The following SUPT3H variants were observed in gnomAD, a reference collection of about 807,000 sequenced individuals.
SUPT3H encodes the protein SPT3 homolog, SAGA and STAGA complex component.
SUPT3H carries 44 observed loss-of-function variants against 44.3 expected under a neutral mutation model. That is an observed-to-expected ratio of 0.99 (90% confidence interval 0.78 to 1.28). The LOEUF is 1.28. Ranked by LOEUF, SUPT3H falls within the 50% of genes most tolerant of loss-of-function variation. The probability of loss-of-function intolerance (pLI) is 0.00; values close to 1 mark genes in which losing one functional copy is unlikely to be tolerated. For synonymous variants in SUPT3H, 124 were observed against 125.6 expected, an observed-to-expected ratio of 0.99 and a Z score of 0.09; for missense variants, 380 against 387.1, an observed-to-expected ratio of 0.98 and a Z score of 0.15.
In SUPT3H at chr6:45,248,934, C is replaced by A. The variant is rs533155231; in HGVS notation, c.101+116267G>T. 2.0e-5 allele frequency among the ~76,000 whole-genome samples: 3 copies of A among 150,764 alleles called. No individual in the cohort carries two copies. In the East Asian group the frequency reaches 5.8e-4, roughly 29 times the overall value. On this transcript the variant is annotated intron_variant, in intron 2 of 10. Transcript: ENST00000371459. ...ATCTCAAAAAAAAAAAAAAAGAACT[C>A]TCATACATTACTGATGGCAATGCGA... is the stretch of plus-strand genomic sequence containing the variant.
In SUPT3H at chr6:44,828,230, T is replaced by C. The variant is rs60219621; in HGVS notation, c.*1586A>G. On this transcript the variant is annotated 3_prime_UTR_variant, in exon 11 of 11. Transcript: ENST00000371459. Reference sequence around the variant, plus strand: ...TTTACTGCAAGCTTGTAATTTTCCATGATTATGGATGCCAAGGAAAATAAG... The same window carrying C: ...TTTACTGCAAGCTTGTAATTTTCCACGATTATGGATGCCAAGGAAAATAAG... 0.021 allele frequency among the ~76,000 whole-genome samples: 3,169 copies of C among 152,170 alleles called. 115 individuals carry two copies. The highest frequency in any genetic ancestry group is 0.072 in the African/African-American group (2,988 of 41,484).
At chr6:44,941,000 G>GT (rs886468591) in intron 9 of SUPT3H, among the ~76,000 whole-genome samples, 1 of 151,952 alleles carries the variant, frequency 6.6e-6, no homozygotes, top group African/African-American at 2.4e-5. Flanking sequence ...ATCATGTTTT[G>GT]TTTTTTCCAT....
rs142402736 is a variant in SUPT3H at position 45,283,995 on chromosome 6, A to G, written c.101+81206T>C. On this transcript the variant is annotated intron_variant, in intron 2 of 10. Transcript: ENST00000371459. ...CTGCTCCTGAATGACTACTGGGTAC[A>G]TAATGAAATATGAAATGAAAACAGA... is the stretch of plus-strand genomic sequence containing the variant. Among the ~76,000 whole-genome samples the G allele has an allele frequency of 7.2e-5, 11 of 152,332 alleles. No homozygotes were observed. The East Asian group carries it at 2.1e-3, about 29-fold the overall frequency.
chr6:44,913,212 A>G (rs1457973560), intron 10 of SUPT3H, among the ~76,000 whole-genome samples: 1 of 152,204 alleles, frequency 6.6e-6, no homozygotes, highest in Non-Finnish European at 1.5e-5. Context: ...GACAGTCTAC[A>G]TTAGGACACA....
intron 2 of SUPT3H, among the ~76,000 whole-genome samples, chr6:45,154,087 A>AAAAAAAAAACAAC (rs70996303): frequency 8.7e-6 from 1 of 114,596 alleles, no homozygotes; most frequent in Non-Finnish European, 1.8e-5. Flanking sequence ...AAAAAAAAAA[A>AAAAAAAAAACAAC]AGCGCTTAGT....
intron 3 of SUPT3H, among the ~76,000 whole-genome samples, chr6:45,105,177 A>T (rs895297960): frequency 7.2e-5 from 11 of 152,106 alleles, no homozygotes; most frequent in African/African-American, 2.2e-4. Flanking sequence ...TTTAAAATAC[A>T]TGATGATGGT....
chr6:45,164,528 C>T (rs945757326), intron 2 of SUPT3H, among the ~76,000 whole-genome samples: 4 of 152,202 alleles, frequency 2.6e-5, no homozygotes, highest in Admixed American at 2.6e-4. Flanking sequence ...ATGAGTGCTT[C>T]GTTAGTCAAC....
intron 10 of SUPT3H, among the ~76,000 whole-genome samples, chr6:44,848,158 C>T (rs1308162958): frequency 4.7e-5 from 7 of 147,552 alleles, no homozygotes; most frequent in African/African-American, 1.0e-4. Flanking sequence ...TTAGTAGAGA[C>T]GGGGTTTCAC....
intron 2 of SUPT3H, among the ~76,000 whole-genome samples, chr6:45,355,299 A>C (rs1467472351): frequency 6.6e-6 from 1 of 152,072 alleles, no homozygotes; most frequent in Non-Finnish European, 1.5e-5. Flanking sequence ...TTAATAATTA[A>C]GGTGTTAATT....
chr6:45,151,759 G>A (rs1296148494), intron 2 of SUPT3H, among the ~76,000 whole-genome samples: 1 of 151,922 alleles, frequency 6.6e-6, no homozygotes, highest in African/African-American at 2.4e-5. Flanking sequence ...TCTTTTCTAG[G>A]CAAGTATTGT....
intron 10 of SUPT3H, among the ~76,000 whole-genome samples, chr6:44,883,331 C>A (rs1206125892): frequency 6.6e-6 from 1 of 152,088 alleles, no homozygotes; most frequent in Non-Finnish European, 1.5e-5. Context: ...ATGTGAAGGA[C>A]CTCCTAAAGG....
At chr6:44,895,301 C>T (rs1404559247) in intron 10 of SUPT3H, among the ~76,000 whole-genome samples, 1 of 146,760 alleles carries the variant, frequency 6.8e-6, no homozygotes, top group African/African-American at 2.5e-5. Flanking sequence ...ACTCTGTTGC[C>T]CAGGCTGGTC....
intron 2 of SUPT3H, among the ~76,000 whole-genome samples, chr6:45,213,482 C>T (rs1764466518): frequency 6.6e-6 from 1 of 151,904 alleles, no homozygotes; most frequent in Admixed American, 6.6e-5. Flanking sequence ...AATTAAATAA[C>T]CTATTATTCT....
intron 2 of SUPT3H, among the ~76,000 whole-genome samples, chr6:45,303,044 G>T (rs1782405278): frequency 6.6e-6 from 1 of 152,132 alleles, no homozygotes; most frequent in Non-Finnish European, 1.5e-5. Flanking sequence ...AACAAATGGT[G>T]TTGGGATAAC....
At chr6:45,336,286 T>A (rs866242585) in intron 2 of SUPT3H, among the ~76,000 whole-genome samples, 2 of 151,560 alleles carry the variant, frequency 1.3e-5, no homozygotes, top group Admixed American at 6.6e-5. Context: ...TTCTTGATTA[T>A]GTAGTAAAGA....
chr6:45,268,733 A>C (rs146265912), intron 2 of SUPT3H, among the ~76,000 whole-genome samples: 25 of 152,328 alleles, frequency 1.6e-4, no homozygotes, highest in African/African-American at 5.8e-4. Context: ...ACTATTCAAC[A>C]AAACTAAATG....
intron 2 of SUPT3H, among the ~76,000 whole-genome samples, chr6:45,257,050 T>A (rs1026662306): frequency 1.3e-5 from 2 of 152,200 alleles, no homozygotes; most frequent in Non-Finnish European, 2.9e-5. Flanking sequence ...TTTACATTCT[T>A]ACTAGCAGTG....
chr6:44,862,621 C>T (rs1005857785), intron 10 of SUPT3H, among the ~76,000 whole-genome samples: 1 of 146,074 alleles, frequency 6.8e-6, no homozygotes, highest in Non-Finnish European at 1.5e-5. Context: ...GAGGTTGCAG[C>T]GAGCCAAGAT....
intron 2 of SUPT3H, among the ~76,000 whole-genome samples, chr6:45,291,990 G>A (rs1780383153): frequency 6.6e-6 from 1 of 152,068 alleles, no homozygotes; most frequent in African/African-American, 2.4e-5. Flanking sequence ...ACTGACATCA[G>A]GTTATCTAAA....
Sources: gnomAD v4.1 joint callset for allele counts (sites outside exome capture counted in the v4.1 genomes callset) on GRCh38, gnomAD v4.1.1 for gene constraint, MANE v1.5 for transcripts, NCBI Gene and HGNC (gene_info 2026-07-23, HGNC 2026-07-21) for gene names.